Variants in CELF5 observed in about 807,000 individuals in gnomAD.
CELF5 encodes CUG-BP and ETR-3 like factor 5.
Under a neutral mutation model 54.9 loss-of-function variants are expected in CELF5, and 6 were observed. The ratio of observed to expected loss-of-function variants is 0.11; its 90% CI spans 0.06 to 0.22. The LOEUF is 0.22. CELF5 is among the 10% of genes least tolerant of loss of function. CELF5 has a pLI of 1.00. For synonymous variants in CELF5, 271 were observed against 290.9 expected, an observed-to-expected ratio of 0.93 and a Z score of 0.70; for missense variants, 401 against 678.6, an observed-to-expected ratio of 0.59 and a Z score of 4.54.
At chr19:3,229,071 A>T (rs546232403) in intron 1 of CELF5, among the ~76,000 whole-genome samples, 2 of 151,552 alleles carry the variant, frequency 1.3e-5, no homozygotes, top group Admixed American at 6.6e-5. Context: ...TGTGACTGTG[A>T]CATCGTTTCT....
intron 1 of CELF5, among the ~76,000 whole-genome samples, chr19:3,245,255 T>C (rs1459034889): frequency 3.3e-5 from 5 of 149,652 alleles, no homozygotes; most frequent in Non-Finnish European, 7.4e-5. Flanking sequence ...CGTGTGTATG[T>C]GGTGTGTGTA....
rs772619271 is a variant in CELF5 at position 3,224,834 on chromosome 19, C to A, written c.95C>A (p.Pro32His). 1 of 1,588,554 alleles carries A rather than the reference C, an allele frequency of 6.3e-7. No homozygotes were observed. Among genetic ancestry groups the A allele is most frequent in the Non-Finnish European group, 8.6e-7 (1 of 1,168,912 alleles). ...SPVGSSGPEP[P>H]GGQPDGMKDL... ...GTGGGCAGCAGCGGGCCCGAGCCCC[C>A]CGGGGGGCAGCCCGACGGCATGAAG... is the stretch of plus-strand genomic sequence containing the variant. Residue 32 changes from proline to histidine, a missense_variant, in exon 1 of 13, where the codon CCC becomes CAC. This residue lies in a region of CELF5 where 46 missense variants were observed against 55.0 expected (regional missense o/e 0.84). Transcript: ENST00000292672.
intron 2 of CELF5, among the ~76,000 whole-genome samples, chr19:3,259,271 T>C (rs900160481): frequency 6.6e-6 from 1 of 151,928 alleles, no homozygotes; most frequent in Non-Finnish European, 1.5e-5. Context: ...AGGGTGATCC[T>C]GCCCCCGCCC....
At chr19:3,272,671 G>C (rs549365027) in intron 2 of CELF5, among the ~76,000 whole-genome samples, 3 of 152,288 alleles carry the variant, frequency 2.0e-5, no homozygotes, top group East Asian at 1.9e-4. Context: ...AGATGCCGTG[G>C]TTCCCTGTCT....
chr19:3,265,010 G>C (rs919566450), intron 2 of CELF5, among the ~76,000 whole-genome samples: 1 of 152,124 alleles, frequency 6.6e-6, no homozygotes, highest in African/African-American at 2.4e-5. Flanking sequence ...CACTGGGCCT[G>C]GCCTGTTTTA....
intron 5 of CELF5, among the ~76,000 whole-genome samples, chr19:3,279,360 C>A (rs2080110664): frequency 1.3e-5 from 2 of 152,118 alleles, no homozygotes; most frequent in African/African-American, 4.8e-5. Context: ...TGTTCCTGCA[C>A]CCACATCTCC....
At chr19:3,257,257 C>T (rs191657667) in intron 2 of CELF5, among the ~76,000 whole-genome samples, 10 of 152,084 alleles carry the variant, frequency 6.6e-5, no homozygotes, top group Middle Eastern at 3.4e-3. Context: ...GGACCATGCC[C>T]GAAGCATGTG....
intron 4 of CELF5, 135 bp from the exon 5 acceptor site, chr19:3,277,896 T>G (rs1599464369): frequency 1.5e-6 from 1 of 664,514 alleles, no homozygotes; most frequent in African/African-American, 1.8e-5. Flanking sequence ...TGGCTGTCTT[T>G]CTGTTATCAG....
intron 2 of CELF5, among the ~76,000 whole-genome samples, chr19:3,267,732 C>A (rs1368861827): frequency 6.6e-6 from 1 of 152,194 alleles, no homozygotes; most frequent in Non-Finnish European, 1.5e-5. Context: ...ATTTGTGTGT[C>A]TGCGTGTCCT....
rs377315696 is a variant in CELF5 at position 3,284,881 on chromosome 19, A to G, written c.1040-21A>G. ...GACTTCTGCTGCTCCCGCCCCACTC[A>G]GCCCCTCTGTCTGCCCGCAGCTCAG... On this transcript the variant is annotated intron_variant, in intron 8 of 12. Transcript: ENST00000292672. The G allele has an allele frequency of 8.7e-6, 14 of 1,611,418 alleles. No homozygotes were observed. The African/African-American group carries it at 1.7e-4, about 20-fold the overall frequency.
intron 12 of CELF5, chr19:3,294,199 T>A (rs1304226341): frequency 6.6e-6 from 1 of 152,152 alleles, no homozygotes; most frequent in Non-Finnish European, 1.5e-5. Flanking sequence ...CATTTTTTTG[T>A]GGGGGGATGA....
rs75835041 is a variant in CELF5 at position 3,233,807 on chromosome 19, A to G, written c.259+8809A>G. Among the ~76,000 whole-genome samples, 546 of 152,282 alleles carry G rather than the reference A, an allele frequency of 3.6e-3. 3 individuals are homozygous for G. Among genetic ancestry groups the G allele is most frequent in the African/African-American group, 0.013 (528 of 41,548 alleles). ...CATGGAGACCTGTGGCAGGGGAGGG[A>G]CAGGGTCTCTCAGGGGAATATGGAC... On this transcript the variant is annotated intron_variant, in intron 1 of 12. Coordinates refer to ENST00000292672, the MANE Select transcript of CELF5 (RefSeq NM_021938.4).
Position 3,282,657 on chromosome 19 carries a change from G to A in CELF5, c.1039+159G>A, listed in dbSNP as rs2080173143. Among the ~76,000 whole-genome samples, 1 of 152,174 alleles carries A rather than the reference G, an allele frequency of 6.6e-6. No individual in the cohort carries two copies. Among genetic ancestry groups the A allele is most frequent in the Non-Finnish European group, 1.5e-5 (1 of 68,026 alleles). On this transcript the variant is annotated intron_variant, in intron 8 of 12. Transcript: ENST00000292672. The surrounding 1 kb of genome is among the most constrained non-coding windows in gnomAD (Gnocchi z 5.2). ...AGATAAGAGCTGTGGACACAGGAAG[G>A]GAGGCCGTGGCAGGGTAATAACACA...
At chr19:3,231,224 G>A (rs1917236728) in intron 1 of CELF5, among the ~76,000 whole-genome samples, 1 of 152,218 alleles carries the variant, frequency 6.6e-6, no homozygotes, top group Admixed American at 6.5e-5. Flanking sequence ...ATTTGGAAGT[G>A]AGCTTGTGGA....
Position 3,285,005 on chromosome 19 carries a change from G to A in CELF5, c.1102+41G>A, listed in dbSNP as rs540825069. ...CGTGCCCGCGCTGGGCCCTGGCCCC[G>A]CCCCCGCCTAGGGCCCCGCCCCCAG... On this transcript the variant is annotated intron_variant, in intron 9 of 12. Coordinates refer to ENST00000292672, the MANE Select transcript of CELF5 (RefSeq NM_021938.4). The A allele has an allele frequency of 6.7e-6, 10 of 1,502,266 alleles. No individual in the cohort carries two copies. In the South Asian group the frequency reaches 7.1e-5, roughly 11 times the overall value. The allele number at this position is 1,502,266 out of a possible 1,614,324, so 93.1% of individuals were successfully genotyped here.
intron 1 of CELF5, among the ~76,000 whole-genome samples, chr19:3,232,357 C>A (rs570244202): frequency 6.6e-6 from 1 of 151,782 alleles, no homozygotes; most frequent in African/African-American, 2.4e-5. Context: ...GAGTTCAAGA[C>A]CAGCCTGAGC....
At chr19:3,288,197 T>A (rs2080284937) in intron 10 of CELF5, among the ~76,000 whole-genome samples, 1 of 152,178 alleles carries the variant, frequency 6.6e-6, no homozygotes. Context: ...CTCAAAATTG[T>A]TCAGTTACAT....
At chr19:3,263,760 C>T (rs951527725) in intron 2 of CELF5, among the ~76,000 whole-genome samples, 3 of 151,590 alleles carry the variant, frequency 2.0e-5, no homozygotes, top group Non-Finnish European at 4.4e-5. Context: ...CAAAAATGAG[C>T]CGGGCGTGGT....
At position 3,247,421 on chromosome 19, in the gene CELF5, C is replaced by T. The variant is rs59279071; in HGVS notation, c.260-3564C>T. Among the ~76,000 whole-genome samples, 1,143 of 152,028 alleles carry T rather than the reference C, an allele frequency of 7.5e-3. 14 individuals carry two copies. Among genetic ancestry groups the T allele is most frequent in the African/African-American group, 0.026 (1,061 of 41,494 alleles). The stretch of plus-strand genomic sequence containing the variant: ...GATTACAGGCGTGAGCCATCACGCC[C>T]GGCCTAATTTTTGTATTTTTTATAG... On this transcript the variant is annotated intron_variant, in intron 1 of 12. Transcript: ENST00000292672.
Sources: gnomAD v4.1 joint callset for allele counts (sites outside exome capture counted in the v4.1 genomes callset) on GRCh38, gnomAD v4.1.1 for gene constraint, gnomAD v4.1.1 regional missense constraint, Gnocchi (gnomAD v3.1) non-coding constraint, MANE v1.5 for transcripts, NCBI Gene and HGNC (gene_info 2026-07-23, HGNC 2026-07-21) for gene names.